The following LMBR1L variants were observed in gnomAD, a reference collection of about 807,000 sequenced individuals.
The protein encoded by LMBR1L is protein LMBR1L.
In LMBR1L, 47 loss-of-function variants were observed where a neutral mutation model predicts 67.3. The observed-to-expected ratio is 0.70, with a 90% CI of 0.55 to 0.89. The LOEUF (loss-of-function observed/expected upper bound fraction) is 0.89. LMBR1L is among the 40% of genes least tolerant of loss of function. The pLI, the probability that LMBR1L is intolerant of heterozygous loss-of-function variation, is 0.00. For synonymous variants in LMBR1L, 247 were observed against 250.3 expected, an observed-to-expected ratio of 0.99 and a Z score of 0.13; for missense variants, 533 against 599.2, an observed-to-expected ratio of 0.89 and a Z score of 1.15.
intron 1 of LMBR1L, 104 bp from the exon 2 acceptor site, chr12:49,107,149 G>A: frequency 1.3e-6 from 1 of 748,186 alleles, no homozygotes; most frequent in Non-Finnish European, 2.3e-6. Context: ...CTCAAGATAA[G>A]GCTCCATACT....
chr12:49,106,801 C>T (rs1940968408), intron 2 of LMBR1L, 160 bp downstream of exon 2: 1 of 834,804 alleles, frequency 1.2e-6, no homozygotes, highest in Admixed American at 2.0e-5. Flanking sequence ...ATCTAGCCGC[C>T]CTTGCCCCTA....
At chr12:49,099,120 C>A (rs1053001589) in intron 15 of LMBR1L, among the ~76,000 whole-genome samples, 1 of 126,370 alleles carries the variant, frequency 7.9e-6, no homozygotes, top group African/African-American at 3.0e-5. Context: ...TGGCTCACAG[C>A]TGATTTTTTT....
At chr12:49,098,955 T>C (rs1939750572) in intron 15 of LMBR1L, among the ~76,000 whole-genome samples, 1 of 151,688 alleles carries the variant, frequency 6.6e-6, no homozygotes, top group Admixed American at 6.6e-5. Flanking sequence ...TAGCTAGGAC[T>C]ATAGGTGTGC....
chr12:49,104,120 A>T (rs1212443138), intron 5 of LMBR1L: 3 of 477,726 alleles, frequency 6.3e-6, no homozygotes, highest in Non-Finnish European at 7.4e-6. Flanking sequence ...ATCCAACAGG[A>T]GAATGGAAGG....
intron 5 of LMBR1L, 134 bp downstream of exon 5, chr12:49,104,314 G>A (rs1940602662): frequency 1.4e-6 from 1 of 719,622 alleles, no homozygotes; most frequent in Non-Finnish European, 2.4e-6. Context: ...GGGTGGTAAT[G>A]ACTTCCTACT....
Position 49,103,826 on chromosome 12 carries a change from G to C in LMBR1L, c.436-13C>G. 1 of 1,603,044 alleles carries C rather than the reference G, an allele frequency of 6.2e-7. No individual in the cohort carries two copies. Among genetic ancestry groups the C allele is most frequent in the Non-Finnish European group, 8.5e-7 (1 of 1,175,284 alleles). On this transcript the variant is annotated splice_polypyrimidine_tract_variant and intron_variant, in intron 5 of 16. Coordinates refer to ENST00000267102, the MANE Select transcript of LMBR1L (RefSeq NM_018113.4). ...GGCCCAGGACACCCTACGGGAGGAGGCAACCAGTGAAGAAGGTTAACATCA... is the reference window on the plus strand; with the variant it reads ...GGCCCAGGACACCCTACGGGAGGAGCCAACCAGTGAAGAAGGTTAACATCA...
chr12:49,106,325 G>T, intron 2 of LMBR1L: 1 of 378,704 alleles, frequency 2.6e-6, no homozygotes, highest in South Asian at 2.1e-5. Flanking sequence ...AAAGAGAGGA[G>T]GGGGAAGGGG....
rs569196010 is a variant in LMBR1L, at chr12:49,110,706, C to A, written c.-151G>T. ...CTCGGGGCAGTCTGGGGCTCAGATA[C>A]AGTCGTCCGGACGCCCCGCCCTTAA... On this transcript the variant is annotated 5_prime_UTR_variant, in exon 1 of 17. Transcript: ENST00000267102. 138 of 668,666 alleles carry A rather than the reference C, an allele frequency of 2.1e-4. No individual in the cohort carries two copies. The African/African-American group carries it at 2.3e-3, about 11-fold the overall frequency. The allele number at this position is 668,666 out of a possible 1,614,324, so 41.4% of individuals were successfully genotyped here.
chr12:49,103,552 G>A (rs984425976), intron 6 of LMBR1L, 135 bp downstream of exon 6: 1 of 1,078,306 alleles, frequency 9.3e-7, no homozygotes, highest in Admixed American at 2.6e-5. Context: ...TTGGCCAGAT[G>A]TCTATCAGTT....
At position 49,100,429 on chromosome 12, in the gene LMBR1L, AG is replaced by A; in HGVS notation, c.1198del (p.Leu400TrpfsTer3). 1 of 1,614,102 alleles carries A rather than the reference AG, an allele frequency of 6.2e-7. No homozygotes were observed. Among genetic ancestry groups the A allele is most frequent in the African/African-American group, 1.3e-5 (1 of 75,058 alleles). On this transcript the variant is annotated frameshift_variant, in exon 15 of 17. Coordinates refer to ENST00000267102, the MANE Select transcript of LMBR1L (RefSeq NM_018113.4). LOFTEE classifies it high-confidence loss of function. The part of the protein sequence containing the change: ...TQIIGNCVCL[L>X]VLSSALPVFS... ...GACAGGAAGTGCTGAGCTTAGGACC[AG>A]GAGACAGACACAGTTCCCAATTATC...
intron 5 of LMBR1L, 25 bp downstream of exon 5, chr12:49,104,423 G>A: frequency 2.0e-6 from 3 of 1,477,520 alleles, no homozygotes; most frequent in Non-Finnish European, 2.8e-6. Context: ...TCCGTTTCCT[G>A]CCTGGATACA....
intron 13 of LMBR1L, 195 bp from the exon 14 acceptor site, chr12:49,100,841 C>T (rs1940074167): frequency 6.7e-6 from 4 of 595,766 alleles, no homozygotes; most frequent in Non-Finnish European, 1.2e-5. Flanking sequence ...GATCTTCCCA[C>T]GTCAGCCTCC....
intron 3 of LMBR1L, 155 bp from the exon 4 acceptor site, chr12:49,105,040 A>C (rs1030742612): frequency 1.3e-6 from 1 of 765,314 alleles, no homozygotes; most frequent in African/African-American, 1.7e-5. Flanking sequence ...GGTTCTACCC[A>C]CTGCCACCCC....
intron 1 of LMBR1L, chr12:49,109,723 C>G (rs762925489): frequency 1.3e-5 from 6 of 456,456 alleles, no homozygotes; most frequent in Non-Finnish European, 2.6e-5. Flanking sequence ...CTGGGTACCC[C>G]TACCCCAGAA....
intron 4 of LMBR1L, 94 bp downstream of exon 4, chr12:49,104,652 A>G: frequency 6.3e-7 from 1 of 1,581,150 alleles, no homozygotes; most frequent in Non-Finnish European, 8.7e-7. Context: ...GGTGCGACAT[A>G]TGACTGCTTG....
At chr12:49,102,564 A>T in intron 8 of LMBR1L, 24 bp from the exon 9 acceptor site, 1 of 1,611,608 alleles carries the variant, frequency 6.2e-7, no homozygotes, top group Admixed American at 1.7e-5. Flanking sequence ...AAAGGAAGAG[A>T]CTAACTGTCA....
intron 8 of LMBR1L, 137 bp downstream of exon 8, chr12:49,102,750 A>C: frequency 1.1e-6 from 1 of 887,874 alleles, no homozygotes; most frequent in Non-Finnish European, 1.8e-6. Flanking sequence ...TGATAGGGGT[A>C]CAGAATACAG....
chr12:49,099,581 CTTTTT>C (rs869070798), intron 15 of LMBR1L, among the ~76,000 whole-genome samples: 1 of 139,922 alleles, frequency 7.1e-6, no homozygotes, highest in Non-Finnish European at 1.6e-5. Flanking sequence ...CACTCTTGAA[CTTTTT>C]TTTTTTTTTT....
Position 49,103,777 on chromosome 12 carries a change from A to G in LMBR1L, c.472T>C (p.Leu158=). 1 of 1,614,048 alleles carries G rather than the reference A, an allele frequency of 6.2e-7. No homozygotes were observed. Among genetic ancestry groups the G allele is most frequent in the South Asian group, 1.1e-5 (1 of 91,060 alleles). The change falls in exon 6 of 17, where the codon TTG becomes CTG. Residue 158 remains leucine, a synonymous_variant. Transcript: ENST00000267102. ...AGCACCAGCAGAGTGAGGAGCATCA[A>G]CATCACCACTGTCTCATAGACCCGG... ...LGRVYETVVM[L]MLLTLLVLGM... is the part of the protein sequence containing the mutation.
Sources: allele counts gnomAD v4.1 joint callset (sites outside exome capture counted in the v4.1 genomes callset), GRCh38; gene constraint gnomAD v4.1.1; transcripts MANE v1.5; gene names NCBI Gene and HGNC (gene_info 2026-07-23, HGNC 2026-07-21).